MACROD2: variants seen among roughly 807,000 people sequenced by gnomAD.
The protein encoded by MACROD2 is mono-ADP ribosylhydrolase 2, also known as ADP-ribose glycohydrolase MACROD2.
In MACROD2, 36 loss-of-function variants were observed where a neutral mutation model predicts 70.4. That is an observed-to-expected ratio of 0.51 (90% CI 0.39 to 0.68). The LOEUF is 0.68. Among genes scored for constraint, MACROD2 ranks in the 30% least tolerant of loss-of-function variants. MACROD2 has a pLI of 0.00. For synonymous variants in MACROD2, 172 were observed against 178.8 expected (o/e 0.96, Z 0.30); for missense variants, 496 against 538.4 (o/e 0.92, Z 0.78).
At chr20:14,292,754 C>T in intron 3 of MACROD2, among the ~76,000 whole-genome samples, 1 of 151,774 alleles carries the variant, frequency 6.6e-6, no homozygotes, top group East Asian at 1.9e-4. Flanking sequence ...CCTGCCTTAG[C>T]CTCTTGAGTA....
intron 6 of MACROD2, among the ~76,000 whole-genome samples, chr20:15,289,320 G>A (rs1293638048): frequency 6.6e-6 from 1 of 152,216 alleles, no homozygotes; most frequent in Non-Finnish European, 1.5e-5. Context: ...TTTAGAAAGG[G>A]AGAACGAGCT....
chr20:14,072,498 A>T (rs1383353274), intron 2 of MACROD2, among the ~76,000 whole-genome samples: 1 of 151,284 alleles, frequency 6.6e-6, no homozygotes, highest in Non-Finnish European at 1.5e-5. Context: ...CAGCCTTCTT[A>T]CCAGCTGTGT....
At chr20:15,402,473 TA>T (rs1372727895) in intron 6 of MACROD2, among the ~76,000 whole-genome samples, 2 of 152,232 alleles carry the variant, frequency 1.3e-5, no homozygotes, top group African/African-American at 4.8e-5. Context: ...GGGAATGTCT[TA>T]AATCTGTAAA....
At chr20:15,537,086 T>C (rs917410425) in intron 8 of MACROD2, among the ~76,000 whole-genome samples, 1 of 152,134 alleles carries the variant, frequency 6.6e-6, no homozygotes, top group Admixed American at 6.5e-5. Flanking sequence ...TCACATATTG[T>C]AGGAGGGACC....
At position 15,807,495 on chromosome 20, in the gene MACROD2, C is replaced by T. The variant is rs543297857; in HGVS notation, c.646-55250C>T. Among the ~76,000 whole-genome samples, 28 of 152,242 alleles carry T rather than the reference C, an allele frequency of 1.8e-4. No individual in the cohort carries two copies. The East Asian group carries it at 3.3e-3, about 18-fold the overall frequency. Reference sequence around the variant, plus strand: ...AGTTGAAGATATAAGCCTGCACTATCTAATTCAGTTCCCACAAGCCACGTT... The same window carrying T: ...AGTTGAAGATATAAGCCTGCACTATTTAATTCAGTTCCCACAAGCCACGTT... On this transcript the variant is annotated intron_variant, in intron 8 of 17. Coordinates refer to ENST00000684519, the MANE Select transcript of MACROD2 (RefSeq NM_001351661.2).
intron 5 of MACROD2, among the ~76,000 whole-genome samples, chr20:14,971,804 C>T (rs1430103691): frequency 6.6e-6 from 1 of 152,116 alleles, no homozygotes; most frequent in Admixed American, 6.5e-5. Flanking sequence ...AGGTTCTTTG[C>T]TTGGCCGGCG....
At chr20:14,191,201 A>G (rs2081385318) in intron 3 of MACROD2, among the ~76,000 whole-genome samples, 1 of 151,306 alleles carries the variant, frequency 6.6e-6, no homozygotes, top group South Asian at 2.1e-4. Context: ...CATATTTTTT[A>G]CTCCTGTTGC....
At chr20:14,039,291 G>A (rs979302431) in intron 2 of MACROD2, among the ~76,000 whole-genome samples, 135 of 152,222 alleles carry the variant, frequency 8.9e-4, no homozygotes, top group African/African-American at 2.9e-3. Flanking sequence ...AGGAGTACTT[G>A]ATTATATTTG....
intron 5 of MACROD2, among the ~76,000 whole-genome samples, chr20:15,056,836 AAG>A (rs1429002095): frequency 2.0e-5 from 3 of 152,230 alleles, no homozygotes; most frequent in African/African-American, 7.2e-5. Context: ...AACAACAAAT[AAG>A]AACTAATCAT....
At chr20:15,373,738 T>C (rs1202335307) in intron 6 of MACROD2, among the ~76,000 whole-genome samples, 1 of 152,174 alleles carries the variant, frequency 6.6e-6, no homozygotes, top group Non-Finnish European at 1.5e-5. Context: ...ACTTTCTGGA[T>C]TTTTATTGAA....
At chr20:16,035,184 TATATATAAAATATA>T (rs2067216912) in intron 15 of MACROD2, among the ~76,000 whole-genome samples, 10 of 121,808 alleles carry the variant, frequency 8.2e-5, no homozygotes, top group South Asian at 4.8e-4. Context: ...TATTATATAT[TATATATAAAATATA>T]ATATAAAATA....
intron 3 of MACROD2, among the ~76,000 whole-genome samples, chr20:14,121,318 G>A (rs964048449): frequency 2.6e-5 from 4 of 152,136 alleles, no homozygotes; most frequent in Admixed American, 1.3e-4. Context: ...AGGAAATAAC[G>A]TACTCAAGGA....
At chr20:14,227,450 C>A (rs2038675) in intron 3 of MACROD2, among the ~76,000 whole-genome samples, 147,426 of 152,150 alleles carry the variant, frequency 0.97, 71,443 homozygotes, top group Admixed American at 0.99. Context: ...CGAGACCACG[C>A]ACCCACCGGG....
At chr20:15,985,341 G>A (rs764202372) in intron 13 of MACROD2, among the ~76,000 whole-genome samples, 6 of 152,056 alleles carry the variant, frequency 3.9e-5, no homozygotes, top group East Asian at 1.9e-4. Flanking sequence ...TTCAAAATCC[G>A]AGTTCCAAAA....
intron 5 of MACROD2, among the ~76,000 whole-genome samples, chr20:15,137,387 T>G (rs1233974127): frequency 6.6e-6 from 1 of 151,688 alleles, no homozygotes; most frequent in African/African-American, 2.4e-5. Context: ...CCATAAAAAA[T>G]GATGAGTTCA....
In MACROD2 at chr20:15,422,241, G is replaced by A. The variant is rs184903801; in HGVS notation, c.541-9164G>A. On this transcript the variant is annotated intron_variant, in intron 6 of 17. Transcript: ENST00000684519. The stretch of plus-strand genomic sequence containing the variant: ...CATGACACTATTTAGTCTTTAAAAT[G>A]TAAATGAATGCAGCGGAAGGATTCT... Among the ~76,000 whole-genome samples the A allele has an allele frequency of 6.3e-4, 96 of 152,254 alleles. 1 individual carries two copies. Among genetic ancestry groups the A allele is most frequent in the African/African-American group, 2.1e-3 (89 of 41,552 alleles).
chr20:15,103,140 G>A (rs984244317), intron 5 of MACROD2, among the ~76,000 whole-genome samples: 1 of 151,958 alleles, frequency 6.6e-6, no homozygotes, highest in Admixed American at 6.6e-5. Context: ...TCTGTTTCAG[G>A]AAAAAAACAA....
chr20:15,403,145 T>G (rs1042129634), intron 6 of MACROD2, among the ~76,000 whole-genome samples: 54 of 152,160 alleles, frequency 3.5e-4, no homozygotes, highest in African/African-American at 1.1e-3. Flanking sequence ...TTTTTGTATT[T>G]TGAGTAGAGA....
In MACROD2 at chr20:15,197,336, A is replaced by G. The variant is rs2327917; in HGVS notation, c.419-32604A>G. ...AATAATTAAAATAGTATATATATAT[A>G]TGTGTTTTCATAGTTTTATAGATTT... On this transcript the variant is annotated intron_variant, in intron 5 of 17. Coordinates refer to ENST00000684519, the MANE Select transcript of MACROD2 (RefSeq NM_001351661.2). Among the ~76,000 whole-genome samples the G allele has an allele frequency of 2.6e-3, 388 of 152,112 alleles. 2 individuals carry two copies. Among genetic ancestry groups the G allele is most frequent in the African/African-American group, 8.2e-3 (340 of 41,554 alleles).
Sources: allele counts gnomAD v4.1 joint callset (sites outside exome capture counted in the v4.1 genomes callset), GRCh38; gene constraint gnomAD v4.1.1; transcripts MANE v1.5; gene names NCBI Gene and HGNC (gene_info 2026-07-23, HGNC 2026-07-21).